The following LOC128462377 variants were observed in gnomAD, a reference collection of about 807,000 sequenced individuals.
the LOC128462377 span, among the ~76,000 whole-genome samples, chr16:89,387,691 AG>A: frequency 7.6e-4 from 98 of 129,110 alleles, no homozygotes; most frequent in East Asian, 2.1e-3. Context: ...AAAAAGAAAA[AG>A]AAAAAAAAAA....
chr16:89,318,035 G>C, the LOC128462377 span, among the ~76,000 whole-genome samples: 1 of 152,144 alleles, frequency 6.6e-6, no homozygotes, highest in African/African-American at 2.4e-5. Flanking sequence ...GCTCTGCCCC[G>C]TCCCTCTCTT....
the LOC128462377 span, among the ~76,000 whole-genome samples, chr16:89,357,453 C>G: frequency 6.6e-6 from 1 of 152,004 alleles, no homozygotes; most frequent in Admixed American, 6.6e-5. Flanking sequence ...CAAAAAAAAA[C>G]AGTGTGACGA....
At chr16:89,391,540 C>T in the LOC128462377 span, among the ~76,000 whole-genome samples, 4 of 152,206 alleles carry the variant, frequency 2.6e-5, no homozygotes, top group African/African-American at 7.2e-5. Context: ...TGTTGACTGT[C>T]GCTGTGGCAT....
chr16:89,379,681 G>A, the LOC128462377 span, among the ~76,000 whole-genome samples: 3 of 152,174 alleles, frequency 2.0e-5, no homozygotes, highest in Admixed American at 6.5e-5. Context: ...GGACGCGAGC[G>A]CCCCAAGCAG....
chr16:89,349,162 G>GAAT, the LOC128462377 span, among the ~76,000 whole-genome samples: 3 of 48,650 alleles, frequency 6.2e-5, no homozygotes, highest in Non-Finnish European at 1.2e-4. Flanking sequence ...AAAAAAAAAA[G>GAAT]AATAATAATT....
the LOC128462377 span, among the ~76,000 whole-genome samples, chr16:89,363,237 A>G: frequency 6.6e-6 from 1 of 152,076 alleles, no homozygotes; most frequent in Non-Finnish European, 1.5e-5. Context: ...TTCATTTAAA[A>G]TTTTTTCCTA....
At chr16:89,369,938 G>A in the LOC128462377 span, among the ~76,000 whole-genome samples, 7 of 152,112 alleles carry the variant, frequency 4.6e-5, no homozygotes, top group Non-Finnish European at 8.8e-5. Flanking sequence ...AACCAAACAC[G>A]GGGGGCCCAG....
At chr16:89,365,294 T>C in the LOC128462377 span, among the ~76,000 whole-genome samples, 295 of 152,320 alleles carry the variant, frequency 1.9e-3, 1 homozygote, top group African/African-American at 6.4e-3. Context: ...TCTAAACCCT[T>C]GTGTCATCAC....
chr16:89,416,553 A>T, the LOC128462377 span, among the ~76,000 whole-genome samples: 1 of 152,106 alleles, frequency 6.6e-6, no homozygotes, highest in African/African-American at 2.4e-5. Flanking sequence ...CCACCTTGAC[A>T]TCTCAAAGTG....
chr16:89,392,035 T>C, the LOC128462377 span, among the ~76,000 whole-genome samples: 1 of 152,186 alleles, frequency 6.6e-6, no homozygotes, highest in African/African-American at 2.4e-5. Context: ...TCCTTTGTTC[T>C]CCTCTGCCTT....
the LOC128462377 span, among the ~76,000 whole-genome samples, chr16:89,325,846 T>C: frequency 6.6e-6 from 1 of 152,202 alleles, no homozygotes; most frequent in Admixed American, 6.5e-5. Flanking sequence ...TCAGGGGTCT[T>C]GGCCTCCTAG....
the LOC128462377 span, among the ~76,000 whole-genome samples, chr16:89,336,284 G>A: frequency 6.6e-6 from 1 of 152,150 alleles, no homozygotes; most frequent in East Asian, 1.9e-4. Context: ...CAGGTGCCGG[G>A]GAGCAGCCAC....
chr16:89,382,875 T>C, the LOC128462377 span, among the ~76,000 whole-genome samples: 3 of 151,398 alleles, frequency 2.0e-5, no homozygotes, highest in Non-Finnish European at 4.4e-5. Flanking sequence ...AGTTTCACTC[T>C]TGTTGCCCAG....
the LOC128462377 span, among the ~76,000 whole-genome samples, chr16:89,338,183 G>T: frequency 2.6e-5 from 4 of 152,104 alleles, no homozygotes; most frequent in Non-Finnish European, 5.9e-5. Context: ...GCCCCGAGAC[G>T]CACTCTCACT....
At chr16:89,416,632 T>C in the LOC128462377 span, among the ~76,000 whole-genome samples, 1 of 151,420 alleles carries the variant, frequency 6.6e-6, no homozygotes, top group Non-Finnish European at 1.5e-5. Context: ...TTTTTCACAC[T>C]AGTAAGCAGC....
the LOC128462377 span, among the ~76,000 whole-genome samples, chr16:89,330,644 C>A: frequency 1.0e-5 from 1 of 99,364 alleles, no homozygotes; most frequent in African/African-American, 4.4e-5. Context: ...GTAGGTTTCC[C>A]CAGTACAGTG....
At chr16:89,357,309 TCAC>T in the LOC128462377 span, among the ~76,000 whole-genome samples, 1 of 152,220 alleles carries the variant, frequency 6.6e-6, no homozygotes. Context: ...GGGACTGTGC[TCAC>T]CACGTGTCCC....
At chr16:89,402,370 C>T in the LOC128462377 span, among the ~76,000 whole-genome samples, 5 of 152,090 alleles carry the variant, frequency 3.3e-5, no homozygotes, top group Non-Finnish European at 7.3e-5. Flanking sequence ...TGGGATTGAG[C>T]GCTTATTTAA....
chr16:89,376,039 C>T, the LOC128462377 span, among the ~76,000 whole-genome samples: 1 of 152,164 alleles, frequency 6.6e-6, no homozygotes, highest in Non-Finnish European at 1.5e-5. Context: ...ACAGGACATC[C>T]GTGAAGCCAT....
Sources: allele counts gnomAD v4.1 joint callset (sites outside exome capture counted in the v4.1 genomes callset), GRCh38; gene constraint gnomAD v4.1.1; transcripts MANE v1.5.